The following SYNE3 variants were observed in gnomAD, a reference collection of about 807,000 sequenced individuals.
SYNE3 encodes spectrin repeat containing nuclear envelope family member 3, also known as nesprin-3.
SYNE3 carries 100 observed loss-of-function variants against 111.2 expected under a neutral mutation model. The observed-to-expected ratio is 0.90, with a 90% CI of 0.77 to 1.06. The LOEUF is 1.06. Ranked by LOEUF, SYNE3 falls within the 50% of genes least tolerant of loss-of-function variation. The pLI, the probability that SYNE3 is intolerant of heterozygous loss-of-function variation, is 0.00. For synonymous variants in SYNE3, 547 were observed against 533.9 expected, an observed-to-expected ratio of 1.02 and a Z score of -0.34; for missense variants, 1,160 against 1,240.3, an observed-to-expected ratio of 0.94 and a Z score of 0.97.
At chr14:95,502,010 A>C (rs1300313132) in intron 1 of SYNE3, among the ~76,000 whole-genome samples, 2 of 152,130 alleles carry the variant, frequency 1.3e-5, no homozygotes, top group African/African-American at 4.8e-5. Context: ...ACTAAGGCTC[A>C]GGGGAGAGAT....
At position 95,500,633 on chromosome 14, in the gene SYNE3, C is replaced by T. The variant is rs1351885781; in HGVS notation, c.-15+15963G>A. 6.6e-6 allele frequency among the ~76,000 whole-genome samples: 1 copy of T among 152,224 alleles called. No individual in the cohort carries two copies. The highest frequency in any genetic ancestry group is 1.5e-5 in the Non-Finnish European group (1 of 68,038). On this transcript the variant is annotated intron_variant, in intron 1 of 17. Transcript: ENST00000682763. The surrounding 1 kb of genome is among the most constrained non-coding windows in gnomAD (Gnocchi z 4.7). ...AACAATGCCCCACTGTTGTGTGCAG[C>T]ACTTGGAAGCTGAGCAACCACCTTC...
Position 95,509,932 on chromosome 14 carries a change from A to C in SYNE3, c.-15+6664T>G, listed in dbSNP as rs1352010950. Among the ~76,000 whole-genome samples, 7 of 152,194 alleles carry C rather than the reference A, an allele frequency of 4.6e-5. 1 individual carries two copies. The East Asian group carries it at 1.3e-3, about 29-fold the overall frequency. ...TAAGAGCACTGGTCAGGGAGTTAGGAGATACCATCTTGGCCCTGAAGTACC... is the reference window on the plus strand; with the variant it reads ...TAAGAGCACTGGTCAGGGAGTTAGGCGATACCATCTTGGCCCTGAAGTACC... On this transcript the variant is annotated intron_variant, in intron 1 of 17. Coordinates refer to ENST00000682763, the MANE Select transcript of SYNE3 (RefSeq NM_152592.6).
At chr14:95,490,792 G>T (rs1281092051) in intron 1 of SYNE3, among the ~76,000 whole-genome samples, 3 of 152,250 alleles carry the variant, frequency 2.0e-5, no homozygotes, top group Non-Finnish European at 4.4e-5. Flanking sequence ...CATGGGCCAG[G>T]CCTGTGGCCC....
rs777772859 is a variant in SYNE3, at chr14:95,475,816, A to G, written c.6T>C (p.Thr2=). The change falls in exon 2 of 18, where the codon ACT becomes ACC. Residue 2 remains threonine, a synonymous_variant. Transcript: ENST00000682763. The part of the protein sequence containing the change: M[T]QQPQDDFDRS... ...TGTCAAAGTCGTCCTGGGGCTGCTG[A>G]GTCATGGCACCTGCAGGGGCTGAAG... 6 of 1,552,930 alleles carry G rather than the reference A, an allele frequency of 3.9e-6. No individual in the cohort carries two copies. The Admixed American group carries it at 1.2e-4, about 31-fold the overall frequency.
intron 1 of SYNE3, among the ~76,000 whole-genome samples, chr14:95,511,980 G>A (rs1890739280): frequency 6.6e-6 from 1 of 152,166 alleles, no homozygotes; most frequent in South Asian, 2.1e-4. Flanking sequence ...CAGGTGACCT[G>A]AGGTTCCTTC....
In SYNE3 at chr14:95,417,324, G is replaced by T. The variant is rs76565027; in HGVS notation, c.*502C>A. 5.5e-3 allele frequency: 975 copies of T among 177,940 alleles called. 5 individuals are homozygous for T. Among genetic ancestry groups the T allele is most frequent in the Non-Finnish European group, 8.0e-3 (648 of 81,266 alleles). 11.0% of individuals were successfully genotyped at this position (177,940 alleles called of 1,614,324 possible). A position where few individuals can be genotyped will look rare whatever the true frequency, so the allele number is the denominator to read the frequency against. ...TCTCATTACGCATAAAGCAAGAGTC[G>T]CTGGGCACCAAGTGAGGGTCTATGG... On this transcript the variant is annotated 3_prime_UTR_variant, in exon 18 of 18. Transcript: ENST00000682763.
rs144399075 is a variant in SYNE3 at position 95,417,881 on chromosome 14, T to C, written c.2873A>G (p.Asn958Ser). The C allele has an allele frequency of 3.1e-4, 502 of 1,613,974 alleles. 1 individual carries two copies. In the African/African-American group the frequency reaches 5.9e-3, roughly 19 times the overall value. ...EEDRSCTLAN[N>S]FARSFTLMLR... ...CATGAGCGTGAAGGAGCGGGCGAAGTTGTTGGCCAGGGTGCAGCTGCGGTC... is the reference window on the plus strand; with the variant it reads ...CATGAGCGTGAAGGAGCGGGCGAAGCTGTTGGCCAGGGTGCAGCTGCGGTC... Residue 958 changes from asparagine (N) to serine (S), a missense_variant, in exon 18 of 18, where the codon AAC (asparagine) becomes AGC (serine). By Grantham distance (46) the Asn-to-Ser change is conservative. Coordinates refer to ENST00000682763, the MANE Select transcript of SYNE3 (RefSeq NM_152592.6).
intron 10 of SYNE3, chr14:95,444,179 A>C: frequency 2.3e-6 from 1 of 430,594 alleles, no homozygotes. Context: ...ACACCTCTGG[A>C]CTCATTAAGA....
In SYNE3 at chr14:95,470,762, A is replaced by C. The variant is rs1286409501; in HGVS notation, c.145-2795T>G. On this transcript the variant is annotated intron_variant, in intron 2 of 17. Transcript: ENST00000682763. This position sits in a 1 kb window ranked among gnomAD's most constrained non-coding sequence, Gnocchi z 4.2. ...ATCACGAGGTCAGGAGTTTGAGGCCATCCTGGCCAACATGGTGAAACACCG... is the reference window on the plus strand; with the variant it reads ...ATCACGAGGTCAGGAGTTTGAGGCCCTCCTGGCCAACATGGTGAAACACCG... Among the ~76,000 whole-genome samples, 1 of 152,210 alleles carries C rather than the reference A, an allele frequency of 6.6e-6. No homozygotes were observed. The highest frequency in any genetic ancestry group is 6.5e-5 in the Admixed American group (1 of 15,284).
rs1309350588 is a variant in SYNE3, at chr14:95,433,265, G to A, written c.2683C>T (p.Leu895=). The A allele has an allele frequency of 1.2e-6, 2 of 1,613,716 alleles. No homozygotes were observed. Among genetic ancestry groups the A allele is most frequent in the African/African-American group, 1.3e-5 (1 of 75,040 alleles). The change falls in exon 16 of 18, where the codon CTG becomes TTG. Residue 895 remains leucine (L), a synonymous_variant. Coordinates refer to ENST00000682763, the MANE Select transcript of SYNE3 (RefSeq NM_152592.6). The stretch of plus-strand genomic sequence containing the variant: ...TGCACATCCTTGGCACCTACCAGCA[G>A]GTGGCCAGAGTCCTTCAGCTTGGAC... ...YKSKLKDSGH[L]LTQSSPGEPT... is the part of the protein sequence containing the mutation.
At position 95,418,039 on chromosome 14, in the gene SYNE3, C is replaced by T. The variant is rs552484714; in HGVS notation, c.2728-13G>A. Reference sequence around the variant, plus strand: ...GCCACCGCCGAGTCTGCGGAACCAACACAGCACAGGTGAGTGGGCTGGGGG... The same window carrying T: ...GCCACCGCCGAGTCTGCGGAACCAATACAGCACAGGTGAGTGGGCTGGGGG... On this transcript the variant is annotated splice_polypyrimidine_tract_variant and intron_variant, in intron 17 of 17. Coordinates refer to ENST00000682763, the MANE Select transcript of SYNE3 (RefSeq NM_152592.6). 6.8e-6 allele frequency: 11 copies of T among 1,606,462 alleles called. No individual in the cohort carries two copies. In the South Asian group the frequency reaches 1.2e-4, roughly 18 times the overall value.
chr14:95,475,963 A>G (rs930876213), intron 1 of SYNE3, 128 bp from the exon 2 acceptor site: 68 of 929,638 alleles, frequency 7.3e-5, no homozygotes, highest in South Asian at 1.7e-4. Flanking sequence ...CAGTTGGGCA[A>G]TATGGCCAGA....
At chr14:95,456,928 C>T (rs1887479562) in intron 5 of SYNE3, among the ~76,000 whole-genome samples, 1 of 151,744 alleles carries the variant, frequency 6.6e-6, no homozygotes, top group African/African-American at 2.4e-5. Flanking sequence ...ACTAAAAATA[C>T]AAAAAAATTA....
At chr14:95,454,150 C>G (rs1276542308) in intron 6 of SYNE3, among the ~76,000 whole-genome samples, 1 of 152,278 alleles carries the variant, frequency 6.6e-6, no homozygotes, top group African/African-American at 2.4e-5. Context: ...ACCCAGCCCT[C>G]TGCTCTCTCG....
At chr14:95,483,666 C>T (rs1021591211) in intron 1 of SYNE3, among the ~76,000 whole-genome samples, 3 of 152,090 alleles carry the variant, frequency 2.0e-5, no homozygotes, top group Non-Finnish European at 4.4e-5. Context: ...AGCGCCCATG[C>T]ATTATCTCAT....
intron 11 of SYNE3, among the ~76,000 whole-genome samples, chr14:95,441,209 C>A (rs111285077): frequency 1.5e-4 from 23 of 152,316 alleles, no homozygotes; most frequent in African/African-American, 4.6e-4. Context: ...TGACTGAGAT[C>A]GCTGGATACC....
rs764338362 is a variant in SYNE3, at chr14:95,443,160, G to A, written c.1906C>T (p.Leu636=). The A allele has an allele frequency of 3.1e-6, 5 of 1,613,892 alleles. No homozygotes were observed. The highest frequency in any genetic ancestry group is 2.2e-5 in the South Asian group (2 of 91,022). Residue 636 remains leucine (L), a synonymous_variant, in exon 11 of 18, where the codon CTG becomes TTG. Coordinates refer to ENST00000682763, the MANE Select transcript of SYNE3 (RefSeq NM_152592.6). ...SSDFQALQRS[L]EDLVDRCRQS... ...CCCTTCTGCCAGCCCCTTACCTCCA[G>A]AGACCTCTGCAGGGCCTGGAAGTCG... is the stretch of plus-strand genomic sequence containing the variant.
intron 4 of SYNE3, among the ~76,000 whole-genome samples, chr14:95,461,088 G>A (rs748928057): frequency 5.9e-5 from 9 of 152,218 alleles, no homozygotes; most frequent in African/African-American, 1.9e-4. Context: ...GGTGACAAAC[G>A]GGAAGGTGCT....
chr14:95,482,295 G>A (rs530737832), intron 1 of SYNE3, among the ~76,000 whole-genome samples: 13 of 152,280 alleles, frequency 8.5e-5, no homozygotes, highest in Non-Finnish European at 1.3e-4. Context: ...TTAGCCAGGC[G>A]TGATAGCGTG....
Sources: gnomAD v4.1 joint callset for allele counts (sites outside exome capture counted in the v4.1 genomes callset) on GRCh38, gnomAD v4.1.1 for gene constraint, Gnocchi (gnomAD v3.1) non-coding constraint, MANE v1.5 for transcripts, NCBI Gene and HGNC (gene_info 2026-07-23, HGNC 2026-07-21) for gene names.